The following CCDC34 variants were observed in gnomAD, a reference collection of about 807,000 sequenced individuals.
CCDC34 encodes the protein coiled-coil domain-containing protein 34.
Under a neutral mutation model 44.1 loss-of-function variants are expected in CCDC34, and 40 were observed. The observed-to-expected ratio is 0.91, with a 90% CI of 0.70 to 1.18. CCDC34 has a LOEUF of 1.18. Among genes scored for constraint, CCDC34 ranks in the 50% most tolerant of loss-of-function variants. CCDC34 has a pLI of 0.00. For synonymous variants in CCDC34, 159 were observed against 158.2 expected (o/e 1.01, Z -0.04); for missense variants, 466 against 452.3 (o/e 1.03, Z -0.28).
chr11:27,363,089 G>A lies in CCDC34; in HGVS notation c.106C>T (p.Pro36Ser), dbSNP rs758436727. The part of the protein sequence containing the change: ...SRPSSDSCSV[P>S]MTGARGQGLE... ...CCCTGCCCACGTGCGCCCGTCATAG[G>A]GACTGAGCAGGAGTCCGAGGAGGGC... Residue 36 changes from proline to serine, a missense_variant, in exon 1 of 6, where the codon CCT becomes TCT. Transcript: ENST00000328697. The A allele has an allele frequency of 5.0e-6, 8 of 1,609,074 alleles. No individual in the cohort carries two copies. Among genetic ancestry groups the A allele is most frequent in the Admixed American group, 1.7e-5 (1 of 59,710 alleles).
Position 27,363,172 on chromosome 11 carries a change from C to T in CCDC34, c.23G>A (p.Gly8Glu). 2 of 1,490,478 alleles carry T rather than the reference C, an allele frequency of 1.3e-6. No homozygotes were observed. Among genetic ancestry groups the T allele is most frequent in the Non-Finnish European group, 1.8e-6 (2 of 1,126,520 alleles). The allele number at this position is 1,490,478 out of a possible 1,614,324, so 92.3% of individuals were successfully genotyped here. Residue 8 changes from glycine (G) to glutamate (E), a missense_variant, in exon 1 of 6, where the codon GGG becomes GAG. Gly to Glu is a moderately conservative substitution (Grantham distance 98). Transcript: ENST00000328697. ...GGCGTAGGAAGAGGGAAAAGTAGGCCCCCAGCGCCCCGCCGCCCACATCTG... is the reference window on the plus strand; with the variant it reads ...GGCGTAGGAAGAGGGAAAAGTAGGCTCCCAGCGCCCCGCCGCCCACATCTG... MWAAGRW[G>E]PTFPSSYAGF...
intron 4 of CCDC34, 58 bp downstream of exon 4, chr11:27,341,334 G>C (rs192684924): frequency 1.3e-4 from 135 of 1,023,160 alleles, no homozygotes; most frequent in Admixed American, 4.6e-4. Flanking sequence ...CTAAGATATA[G>C]TTGACACATA....
chr11:27,356,597 T>C (rs1193373986), intron 2 of CCDC34, among the ~76,000 whole-genome samples: 1 of 151,810 alleles, frequency 6.6e-6, no homozygotes, highest in African/African-American at 2.4e-5. Context: ...GTTTAGGGGA[T>C]GCCAAATTAT....
intron 3 of CCDC34, among the ~76,000 whole-genome samples, chr11:27,348,113 C>G (rs1258181620): frequency 6.6e-6 from 1 of 152,020 alleles, no homozygotes; most frequent in African/African-American, 2.4e-5. Context: ...TTTAAAGACG[C>G]TGCACCGAGA....
chr11:27,342,381 A>T (rs1157463264), intron 3 of CCDC34, among the ~76,000 whole-genome samples: 1 of 148,754 alleles, frequency 6.7e-6, no homozygotes, highest in African/African-American at 2.4e-5. Context: ...ATATATGTAT[A>T]TATATTTTTA....
rs780571114 is a variant in CCDC34, at chr11:27,338,820, G to A, written c.*1C>T. 25 of 1,604,928 alleles carry A rather than the reference G, an allele frequency of 1.6e-5. No homozygotes were observed. Among genetic ancestry groups the A allele is most frequent in the East Asian group, 2.2e-5 (1 of 44,742 alleles). ...TAAAAGCATGTTATTTTCCACATACGCTATCTTTGTATTCTGCACAGAGTT... is the reference window on the plus strand; with the variant it reads ...TAAAAGCATGTTATTTTCCACATACACTATCTTTGTATTCTGCACAGAGTT... On this transcript the variant is annotated 3_prime_UTR_variant, in exon 6 of 6. Transcript: ENST00000328697.
intron 3 of CCDC34, among the ~76,000 whole-genome samples, chr11:27,344,420 T>A (rs575464988): frequency 6.6e-6 from 1 of 152,072 alleles, no homozygotes; most frequent in South Asian, 2.1e-4. Flanking sequence ...ATGCTATATA[T>A]TATAAACATG....
chr11:27,355,585 C>G (rs139940962), intron 2 of CCDC34, among the ~76,000 whole-genome samples: 12 of 152,298 alleles, frequency 7.9e-5, no homozygotes, highest in African/African-American at 2.9e-4. Context: ...TACTTTGTTA[C>G]ATTTAATCCT....
intron 3 of CCDC34, chr11:27,349,724 T>A: frequency 2.0e-6 from 2 of 976,262 alleles, no homozygotes; most frequent in Non-Finnish European, 2.4e-6. Context: ...TTCACTCAAT[T>A]AAACTATTTT....
intron 2 of CCDC34, among the ~76,000 whole-genome samples, chr11:27,351,609 A>G (rs980048949): frequency 5.9e-5 from 9 of 152,192 alleles, no homozygotes; most frequent in African/African-American, 2.2e-4. Context: ...TGGTACACCT[A>G]CTATGGACCT....
intron 2 of CCDC34, among the ~76,000 whole-genome samples, chr11:27,350,968 T>G (rs1862497831): frequency 6.6e-6 from 1 of 152,190 alleles, no homozygotes; most frequent in East Asian, 1.9e-4. Flanking sequence ...GCTGCTGAAG[T>G]GTAAAACAAA....
intron 5 of CCDC34, 62 bp from the exon 6 acceptor site, chr11:27,339,097 C>T (rs1482768939): frequency 2.4e-5 from 29 of 1,185,260 alleles, no homozygotes; most frequent in Non-Finnish European, 3.4e-5. Context: ...AAAGAAGCCA[C>T]TTAAAACTTC....
intron 2 of CCDC34, among the ~76,000 whole-genome samples, chr11:27,356,008 A>ATTTTTTTTTTT (rs34146389): frequency 4.2e-4 from 29 of 69,506 alleles, no homozygotes; most frequent in South Asian, 8.8e-4. Flanking sequence ...TGTTCCCAGG[A>ATTTTTTTTTTT]TTTTTTTTTT....
In CCDC34 at chr11:27,350,316, A is replaced by G. The variant is rs1206500024; in HGVS notation, c.606+16T>C. ...AAAAGAGATGTCAATGTGTGTATCCATTTTCCCCTCCTTACTTGCTCATTC... is the reference window on the plus strand; with the variant it reads ...AAAAGAGATGTCAATGTGTGTATCCGTTTTCCCCTCCTTACTTGCTCATTC... On this transcript the variant is annotated intron_variant, in intron 3 of 5. Coordinates refer to ENST00000328697, the MANE Select transcript of CCDC34 (RefSeq NM_030771.2). 2 of 1,613,864 alleles carry G rather than the reference A, an allele frequency of 1.2e-6. No individual in the cohort carries two copies. The highest frequency in any genetic ancestry group is 1.3e-5 in the African/African-American group (1 of 75,030).
At chr11:27,361,013 T>C (rs1862655872) in intron 1 of CCDC34, among the ~76,000 whole-genome samples, 1 of 152,212 alleles carries the variant, frequency 6.6e-6, no homozygotes, top group Admixed American at 6.5e-5. Flanking sequence ...CATTTGACAA[T>C]AATCACTGCA....
chr11:27,347,184 A>C (rs2133342147), intron 3 of CCDC34, among the ~76,000 whole-genome samples: 1 of 152,350 alleles, frequency 6.6e-6, no homozygotes, highest in South Asian at 2.1e-4. Flanking sequence ...CACTAGAAGG[A>C]CTTAAAATGA....
chr11:27,362,703 A>G (rs548726052), intron 1 of CCDC34, 133 bp downstream of exon 1: 1 of 1,026,266 alleles, frequency 9.7e-7, no homozygotes, highest in African/African-American at 1.6e-5. Context: ...TGCAAAAAAA[A>G]CCACGGCACC....
Position 27,340,746 on chromosome 11 carries a change from TTA to T in CCDC34, c.855_856del (p.His285GlnfsTer32). ...ATAGCTCTTTGCAGCTGGACGAGGT[TTA>T]TGTTTCGCATTTTCCAACCATTCTT... is the stretch of plus-strand genomic sequence containing the variant. On this transcript the variant is annotated frameshift_variant, in exon 5 of 6. Transcript: ENST00000328697. LOFTEE classifies it high-confidence loss of function. 6.2e-7 allele frequency: 1 copy of T among 1,614,006 alleles called. No individual in the cohort carries two copies. Among genetic ancestry groups the T allele is most frequent in the Non-Finnish European group, 8.5e-7 (1 of 1,179,930 alleles).
chr11:27,359,041 T>C (rs1028814718), intron 1 of CCDC34, among the ~76,000 whole-genome samples: 1 of 141,892 alleles, frequency 7.0e-6, no homozygotes, highest in African/African-American at 2.6e-5. Context: ...TTGAAAGCCA[T>C]TCTTGTTTCC....
Sources: allele counts gnomAD v4.1 joint callset (sites outside exome capture counted in the v4.1 genomes callset), GRCh38; gene constraint gnomAD v4.1.1; transcripts MANE v1.5; gene names NCBI Gene and HGNC (gene_info 2026-07-23, HGNC 2026-07-21).